The following MAP2K7 variants were observed in gnomAD, a reference collection of about 807,000 sequenced individuals.
MAP2K7 encodes the protein dual specificity mitogen-activated protein kinase kinase 7.
A neutral mutation model predicts 47.7 loss-of-function variants in MAP2K7; 12 were observed. The observed-to-expected ratio is 0.25, with a 90% CI of 0.16 to 0.41. MAP2K7 has a LOEUF of 0.41. MAP2K7 is among the 10% of genes least tolerant of loss of function. MAP2K7 has a pLI of 1.00. For synonymous variants in MAP2K7, 299 were observed against 243.0 expected, an observed-to-expected ratio of 1.23 and a Z score of -2.14; for missense variants, 415 against 600.3, an observed-to-expected ratio of 0.69 and a Z score of 3.23.
rs1330870911 is a variant in MAP2K7 at position 7,909,870 on chromosome 19, C to T, written c.240C>T (p.Thr80=). 3 of 1,533,906 alleles carry T rather than the reference C, an allele frequency of 2.0e-6. No homozygotes were observed. Among genetic ancestry groups the T allele is most frequent in the Non-Finnish European group, 2.6e-6 (3 of 1,138,934 alleles). Residue 80 remains threonine, a synonymous_variant, in exon 2 of 11, where the codon ACC becomes ACT. Coordinates refer to ENST00000397979, the MANE Select transcript of MAP2K7 (RefSeq NM_145185.4). ...RPRHMLGLPS[T]LFTPRSMESI... ...GCCACATGCTGGGGCTCCCGTCAACCCTGTTCACACCCCGCAGCATGGAGA... is the reference window on the plus strand; with the variant it reads ...GCCACATGCTGGGGCTCCCGTCAACTCTGTTCACACCCCGCAGCATGGAGA...
intron 9 of MAP2K7, 57 bp downstream of exon 9, chr19:7,911,635 G>A: frequency 1.3e-6 from 2 of 1,492,740 alleles, no homozygotes; most frequent in Admixed American, 2.0e-5. Flanking sequence ...TGGGCAGCTG[G>A]GGAGGCAATG....
Position 7,911,029 on chromosome 19 carries a change from G to A in MAP2K7, c.725G>A (p.Arg242His). The change falls in exon 7 of 11, where the codon CGC (arginine) becomes CAC (histidine). Residue 242 changes from arginine to histidine, a missense_variant. By Grantham distance (29) the Arg-to-His change is conservative. This residue lies in a region of MAP2K7 where 206 missense variants were observed against 368.8 expected (regional missense o/e 0.56). Transcript: ENST00000397979. ...YLKEKHGVIH[R>H]DVKPSNILLD... ...AAGGAGAAGCACGGTGTCATCCACC[G>A]CGACGTCAAGCCCTCCAACATCCTG... The A allele has an allele frequency of 2.5e-6, 4 of 1,612,756 alleles. No homozygotes were observed. Among genetic ancestry groups the A allele is most frequent in the East Asian group, 2.2e-5 (1 of 44,872 alleles).
chr19:7,903,949 C>A lies in MAP2K7; in HGVS notation c.5C>A (p.Ala2Glu). Residue 2 changes from alanine to glutamate, a missense_variant, in exon 1 of 11, where the codon GCG (alanine) becomes GAG (glutamate). Ala to Glu is a moderately radical substitution (Grantham distance 107). Coordinates refer to ENST00000397979, the MANE Select transcript of MAP2K7 (RefSeq NM_145185.4). M[A>E]ASSLEQKLSR... ...GCGGCGGTGGCGGCGGGGAAGATGG[C>A]GGCGTCCTCCCTGGAACAGAAGCTG... 6.5e-7 allele frequency: 1 copy of A among 1,527,802 alleles called. No homozygotes were observed. The highest frequency in any genetic ancestry group is 8.8e-7 in the Non-Finnish European group (1 of 1,138,616). The allele number at this position is 1,527,802 out of a possible 1,614,324, so 94.6% of individuals were successfully genotyped here. A position where few individuals can be genotyped will look rare whatever the true frequency, so the allele number is the denominator to read the frequency against.
chr19:7,912,386 G>A lies in MAP2K7; in HGVS notation c.1215G>A (p.Arg405=). The part of the protein sequence containing the change: ...KDVMAKTESP[R]TSGVLSQPHL... ...TCATGGCGAAGACTGAGTCACCGCG[G>A]ACTAGCGGCGTCCTGAGCCAGCCCC... The change falls in exon 11 of 11, where the codon CGG becomes CGA. Residue 405 remains arginine, a synonymous_variant. Transcript: ENST00000397979. 1 of 1,612,988 alleles carries A rather than the reference G, an allele frequency of 6.2e-7. No homozygotes were observed. Among genetic ancestry groups the A allele is most frequent in the Non-Finnish European group, 8.5e-7 (1 of 1,179,988 alleles).
Position 7,911,174 on chromosome 19 carries a change from C to G in MAP2K7, c.855+15C>G. The G allele has an allele frequency of 6.2e-7, 1 of 1,608,458 alleles. No homozygotes were observed. The highest frequency in any genetic ancestry group is 1.1e-5 in the South Asian group (1 of 90,922). ...CCTACATGGCAGTGAGTGGGGGCCC[C>G]CCAGCGGGGGAGGGGGTGGGGGCTG... On this transcript the variant is annotated intron_variant, in intron 7 of 10. Coordinates refer to ENST00000397979, the MANE Select transcript of MAP2K7 (RefSeq NM_145185.4).
At chr19:7,904,347 G>T in intron 1 of MAP2K7, 1 of 227,668 alleles carries the variant, frequency 4.4e-6, no homozygotes, top group Non-Finnish European at 9.1e-6. Context: ...GTGATCCTCT[G>T]GGTCGGGCTT....
rs749341799 is a variant in MAP2K7, at chr19:7,904,043, T to A, written c.99T>A (p.Asp33Glu). Residue 33 changes from aspartate (D) to glutamate (E), a missense_variant, in exon 1 of 11, where the codon GAT becomes GAA. Asp to Glu is a conservative substitution (Grantham distance 45, BLOSUM62 2). Transcript: ENST00000397979. ...GGCGGAGGATCGACCTCAACCTGGA[T>A]ATCAGCCCCCAGCGGCCCAGGCCCA... ...EARRRIDLNL[D>E]ISPQRPRPTL... 3 of 1,290,438 alleles carry A rather than the reference T, an allele frequency of 2.3e-6. No homozygotes were observed. In the South Asian group the frequency reaches 3.8e-5, roughly 16 times the overall value. 79.9% of individuals were successfully genotyped at this position (1,290,438 alleles called of 1,614,324 possible).
chr19:7,912,714 C>T lies in MAP2K7; in HGVS notation c.*283C>T. 2.0e-6 allele frequency: 1 copy of T among 496,042 alleles called. No individual in the cohort carries two copies. Among genetic ancestry groups the T allele is most frequent in the Non-Finnish European group, 3.6e-6 (1 of 275,948 alleles). 30.7% of individuals were successfully genotyped at this position (496,042 alleles called of 1,614,324 possible). On this transcript the variant is annotated 3_prime_UTR_variant, in exon 11 of 11. Transcript: ENST00000397979. ...GAGTCGCTGTTCATTCAGCCGCAGCCTCTGGGCCGGGGCGGCCCCCAGGGG... is the reference window on the plus strand; with the variant it reads ...GAGTCGCTGTTCATTCAGCCGCAGCTTCTGGGCCGGGGCGGCCCCCAGGGG...
rs749914332 is a variant in MAP2K7 at position 7,910,973 on chromosome 19, C to G, written c.676-7C>G. 6 of 1,604,474 alleles carry G rather than the reference C, an allele frequency of 3.7e-6. No individual in the cohort carries two copies. The East Asian group carries it at 1.3e-4, about 36-fold the overall frequency. On this transcript the variant is annotated splice_region_variant and splice_polypyrimidine_tract_variant and intron_variant, in intron 6 of 10. Transcript: ENST00000397979. ...TGCCACATGCACCCCCCTCTGCGTGCCTGCAGATTGTGAAGGCGCTGTACT... is the reference window on the plus strand; with the variant it reads ...TGCCACATGCACCCCCCTCTGCGTGGCTGCAGATTGTGAAGGCGCTGTACT...
chr19:7,906,332 CG>C (rs1568274821), intron 1 of MAP2K7: 1 of 157,666 alleles, frequency 6.3e-6, no homozygotes, highest in Non-Finnish European at 1.4e-5. Flanking sequence ...TCCTCTGTAG[CG>C]GGGGGCTGCA....
In MAP2K7 at chr19:7,912,582, C is replaced by A. The variant is rs1320787570; in HGVS notation, c.*151C>A. ...AGAGAGTGGGGGGTGCCCACCCACC[C>A]CCCCCGCCCCGGGCCTACCAAGCCC... On this transcript the variant is annotated 3_prime_UTR_variant, in exon 11 of 11. Coordinates refer to ENST00000397979, the MANE Select transcript of MAP2K7 (RefSeq NM_145185.4). 1.1e-5 allele frequency: 10 copies of A among 911,666 alleles called. No individual in the cohort carries two copies. Among genetic ancestry groups the A allele is most frequent in the South Asian group, 5.3e-5 (3 of 56,568 alleles). 56.5% of individuals were successfully genotyped at this position (911,666 alleles called of 1,614,324 possible). A position where few individuals can be genotyped will look rare whatever the true frequency, so the allele number is the denominator to read the frequency against.
At chr19:7,909,579 G>A (rs1332277285) in intron 1 of MAP2K7, among the ~76,000 whole-genome samples, 176 bp from the exon 2 acceptor site, 1 of 152,194 alleles carries the variant, frequency 6.6e-6, no homozygotes, top group Non-Finnish European at 1.5e-5. Flanking sequence ...ACAGTCTGGG[G>A]TGGGAGGGAG....
chr19:7,903,911 C>T lies in MAP2K7; in HGVS notation c.-34C>T, dbSNP rs765142864. 23 of 1,465,978 alleles carry T rather than the reference C, an allele frequency of 1.6e-5. No individual in the cohort carries two copies. Among genetic ancestry groups the T allele is most frequent in the South Asian group, 1.3e-4 (10 of 77,822 alleles). The allele number at this position is 1,465,978 out of a possible 1,614,324, so 90.8% of individuals were successfully genotyped here. A position where few individuals can be genotyped will look rare whatever the true frequency, so the allele number is the denominator to read the frequency against. ...TTTGTCTGCCGGACTGACGGGCGGC[C>T]GGGCGGTGCGCGGCGGCGGTGGCGG... is the stretch of plus-strand genomic sequence containing the variant. On this transcript the variant is annotated 5_prime_UTR_variant, in exon 1 of 11. Transcript: ENST00000397979.
At chr19:7,908,468 G>A (rs1368238192) in intron 1 of MAP2K7, among the ~76,000 whole-genome samples, 1 of 152,214 alleles carries the variant, frequency 6.6e-6, no homozygotes, top group Non-Finnish European at 1.5e-5. Flanking sequence ...GCACACGGGA[G>A]GGACGGGGTT....
intron 2 of MAP2K7, 66 bp downstream of exon 2, chr19:7,909,962 G>A (rs1027663745): frequency 1.3e-6 from 2 of 1,506,598 alleles, no homozygotes; most frequent in African/African-American, 2.8e-5. Context: ...CCAGCCCTGG[G>A]AGGAGGGTGG....
In MAP2K7 at chr19:7,911,196, G is replaced by C; in HGVS notation, c.855+37G>C. On this transcript the variant is annotated intron_variant, in intron 7 of 10. Coordinates refer to ENST00000397979, the MANE Select transcript of MAP2K7 (RefSeq NM_145185.4). ...CCCCCCAGCGGGGGAGGGGGTGGGG[G>C]CTGGGAGGCCGGCCCCAGCCTTGGA... The C allele has an allele frequency of 5.0e-6, 8 of 1,607,676 alleles. No homozygotes were observed. The South Asian group carries it at 8.8e-5, about 18-fold the overall frequency.
chr19:7,909,739 G>T lies in MAP2K7; in HGVS notation c.125-16G>T, dbSNP rs1186747092. On this transcript the variant is annotated splice_polypyrimidine_tract_variant and intron_variant, in intron 1 of 10. Coordinates refer to ENST00000397979, the MANE Select transcript of MAP2K7 (RefSeq NM_145185.4). Reference sequence around the variant, plus strand: ...GCGCTGACCCCCCTCCCTGCCACTGGTTCTCACCCCCCTAGCCCTGCAGCT... The same window carrying T: ...GCGCTGACCCCCCTCCCTGCCACTGTTTCTCACCCCCCTAGCCCTGCAGCT... 1.3e-6 allele frequency: 2 copies of T among 1,529,110 alleles called. No homozygotes were observed. The highest frequency in any genetic ancestry group is 8.8e-7 in the Non-Finnish European group (1 of 1,138,536). 94.7% of individuals were successfully genotyped at this position (1,529,110 alleles called of 1,614,324 possible).
At position 7,912,720 on chromosome 19, in the gene MAP2K7, G is replaced by A. The variant is rs1238378423; in HGVS notation, c.*289G>A. On this transcript the variant is annotated 3_prime_UTR_variant, in exon 11 of 11. Transcript: ENST00000397979. Reference sequence around the variant, plus strand: ...CTGTTCATTCAGCCGCAGCCTCTGGGCCGGGGCGGCCCCCAGGGGCCAGGA... The same window carrying A: ...CTGTTCATTCAGCCGCAGCCTCTGGACCGGGGCGGCCCCCAGGGGCCAGGA... 9 of 476,172 alleles carry A rather than the reference G, an allele frequency of 1.9e-5. No homozygotes were observed. Among genetic ancestry groups the A allele is most frequent in the Non-Finnish European group, 3.0e-5 (8 of 263,536 alleles). The allele number at this position is 476,172 out of a possible 1,614,324, so 29.5% of individuals were successfully genotyped here.
In MAP2K7 at chr19:7,913,102, GTATTT is replaced by G. The variant is rs1351500367; in HGVS notation, c.*676_*680del. On this transcript the variant is annotated 3_prime_UTR_variant, in exon 11 of 11. Coordinates refer to ENST00000397979, the MANE Select transcript of MAP2K7 (RefSeq NM_145185.4). ...CAGGGGGTCCTTTTTGGAGTTTATT[GTATTT>G]TATTGTACTTGGTGGGGTGTTTGGG... is the stretch of plus-strand genomic sequence containing the variant. 1 of 152,204 alleles carries G rather than the reference GTATTT, an allele frequency of 6.6e-6. No individual in the cohort carries two copies. The highest frequency in any genetic ancestry group is 1.5e-5 in the Non-Finnish European group (1 of 68,082). 9.4% of individuals were successfully genotyped at this position (152,204 alleles called of 1,614,324 possible).
Sources: allele counts gnomAD v4.1 joint callset (sites outside exome capture counted in the v4.1 genomes callset), GRCh38; gene constraint gnomAD v4.1.1; regional missense constraint gnomAD v4.1.1; transcripts MANE v1.5; gene names NCBI Gene and HGNC (gene_info 2026-07-23, HGNC 2026-07-21).